NCKAP5: variants seen among roughly 807,000 people sequenced by gnomAD.
The protein encoded by NCKAP5 is nck-associated protein 5.
Under a neutral mutation model 167.0 loss-of-function variants are expected in NCKAP5, and 92 were observed. The observed-to-expected ratio is 0.55, with a 90% CI of 0.47 to 0.66. The LOEUF (loss-of-function observed/expected upper bound fraction) is 0.66. NCKAP5 is among the 30% of genes least tolerant of loss of function. The pLI, the probability that NCKAP5 is intolerant of heterozygous loss-of-function variation, is 0.00. For missense variants in NCKAP5, 2,378 were observed against 2,315.0 expected, an observed-to-expected ratio of 1.03 and a Z score of -0.56; for synonymous variants, 891 against 877.4, an observed-to-expected ratio of 1.02 and a Z score of -0.27.
intron 5 of NCKAP5, among the ~76,000 whole-genome samples, chr2:133,147,089 A>G (rs577413554): frequency 1.4e-3 from 211 of 152,302 alleles, no homozygotes; most frequent in African/African-American, 4.8e-3. Context: ...CCAAGATAGC[A>G]CTTCTATGCA....
chr2:133,152,855 C>T (rs908673405), intron 5 of NCKAP5, among the ~76,000 whole-genome samples: 2 of 152,114 alleles, frequency 1.3e-5, no homozygotes, highest in African/African-American at 2.4e-5. Flanking sequence ...TTACCATTGC[C>T]TATGATATTC....
At chr2:132,692,681 T>C (rs1261702398) in intron 19 of NCKAP5, among the ~76,000 whole-genome samples, 1 of 152,184 alleles carries the variant, frequency 6.6e-6, no homozygotes, top group East Asian at 1.9e-4. Context: ...AGTTGTCTTA[T>C]TAAAATAAAA....
chr2:133,412,697 A>C (rs2151064051), intron 3 of NCKAP5, among the ~76,000 whole-genome samples: 1 of 152,310 alleles, frequency 6.6e-6, no homozygotes, highest in South Asian at 2.1e-4. Context: ...TAGAAGTATG[A>C]TTTTTATCCC....
chr2:132,935,986 T>C (rs944252274), intron 8 of NCKAP5, among the ~76,000 whole-genome samples: 14 of 151,612 alleles, frequency 9.2e-5, no homozygotes, highest in Admixed American at 3.9e-4. Flanking sequence ...TTTTCTTTTT[T>C]TTTTTTTTTC....
At chr2:133,044,086 A>C (rs1366659944) in intron 6 of NCKAP5, among the ~76,000 whole-genome samples, 1 of 152,170 alleles carries the variant, frequency 6.6e-6, no homozygotes, top group Non-Finnish European at 1.5e-5. Flanking sequence ...TAGGAAAAAG[A>C]TAGGCTGCCC....
intron 11 of NCKAP5, among the ~76,000 whole-genome samples, chr2:132,803,949 G>C (rs1271759436): frequency 6.6e-6 from 1 of 152,184 alleles, no homozygotes; most frequent in Non-Finnish European, 1.5e-5. Context: ...TGTAGCTAGA[G>C]ATGGTGGAGG....
At chr2:133,642,478 A>G in the NCKAP5 span, among the ~76,000 whole-genome samples, 187 of 152,320 alleles carry the variant, frequency 1.2e-3, no homozygotes, top group Non-Finnish European at 2.4e-3. Flanking sequence ...TTTCTGCTGT[A>G]ACAATTCACA....
At chr2:133,092,900 G>A (rs1559131831) in intron 6 of NCKAP5, among the ~76,000 whole-genome samples, 1 of 152,196 alleles carries the variant, frequency 6.6e-6, no homozygotes, top group African/African-American at 2.4e-5. Flanking sequence ...TGTAGAAAAA[G>A]ACTGCAAACC....
chr2:132,955,073 A>G (rs1404187084), intron 8 of NCKAP5, among the ~76,000 whole-genome samples: 2 of 152,240 alleles, frequency 1.3e-5, no homozygotes, highest in African/African-American at 4.8e-5. Context: ...GAAGGAAACA[A>G]TTATGAATTT....
At chr2:133,365,777 T>A (rs1470301811) in intron 3 of NCKAP5, among the ~76,000 whole-genome samples, 1 of 152,208 alleles carries the variant, frequency 6.6e-6, no homozygotes, top group Non-Finnish European at 1.5e-5. Flanking sequence ...TGATCTGACT[T>A]CTATAAGTTT....
At chr2:133,170,419 A>C (rs1214603630) in intron 5 of NCKAP5, among the ~76,000 whole-genome samples, 5 of 152,208 alleles carry the variant, frequency 3.3e-5, no homozygotes, top group Non-Finnish European at 5.9e-5. Flanking sequence ...TGTGTCATGA[A>C]TATGAGGATA....
At chr2:133,668,670 T>G in the NCKAP5 span, among the ~76,000 whole-genome samples, 2 of 152,304 alleles carry the variant, frequency 1.3e-5, no homozygotes, top group East Asian at 3.9e-4. Context: ...AAGCTTTCTC[T>G]AAATATTCTA....
chr2:133,355,443 C>T (rs1446358610), intron 3 of NCKAP5, among the ~76,000 whole-genome samples: 1 of 152,160 alleles, frequency 6.6e-6, no homozygotes, highest in Non-Finnish European at 1.5e-5. Flanking sequence ...ATATTACATA[C>T]AACAAGAGAC....
intron 3 of NCKAP5, among the ~76,000 whole-genome samples, chr2:133,447,532 T>TTCCTTTCCCC (rs1691280015): frequency 7.6e-6 from 1 of 132,178 alleles, no homozygotes; most frequent in Non-Finnish European, 1.6e-5. Context: ...TTCCTTTCCC[T>TTCCTTTCCCC]TCCTTTCCCC....
At chr2:133,015,640 A>G (rs1234733750) in intron 6 of NCKAP5, among the ~76,000 whole-genome samples, 1 of 152,186 alleles carries the variant, frequency 6.6e-6, no homozygotes, top group African/African-American at 2.4e-5. Context: ...TTTCCATCCA[A>G]ACACAATCCA....
At chr2:133,088,314 T>G (rs1471083387) in intron 6 of NCKAP5, among the ~76,000 whole-genome samples, 1 of 152,164 alleles carries the variant, frequency 6.6e-6, no homozygotes, top group Non-Finnish European at 1.5e-5. Flanking sequence ...TTCTATGGCC[T>G]CCAGTAGTTG....
intron 3 of NCKAP5, among the ~76,000 whole-genome samples, chr2:133,342,686 G>A (rs935597705): frequency 6.6e-6 from 1 of 152,168 alleles, no homozygotes; most frequent in Non-Finnish European, 1.5e-5. Context: ...GAGTCATTCA[G>A]CTCTTGCATT....
At chr2:132,741,201 G>A (rs1679155309) in intron 16 of NCKAP5, among the ~76,000 whole-genome samples, 2 of 151,982 alleles carry the variant, frequency 1.3e-5, no homozygotes, top group South Asian at 4.1e-4. Flanking sequence ...TTTGGGAATG[G>A]TTATTGGTCT....
chr2:133,555,256 CACT>C (rs1185397261), intron 2 of NCKAP5, among the ~76,000 whole-genome samples: 2 of 152,162 alleles, frequency 1.3e-5, no homozygotes, highest in Non-Finnish European at 2.9e-5. Context: ...TCAATTCCAC[CACT>C]GTCTCCCTTC....
Sources: gnomAD v4.1 joint callset for allele counts (sites outside exome capture counted in the v4.1 genomes callset) on GRCh38, gnomAD v4.1.1 for gene constraint, MANE v1.5 for transcripts, NCBI Gene and HGNC (gene_info 2026-07-23, HGNC 2026-07-21) for gene names.